Variants in NCKAP5 observed in about 807,000 individuals in gnomAD.
NCKAP5 encodes NCK associated protein 5, also known as nck-associated protein 5.
A neutral mutation model predicts 167.0 loss-of-function variants in NCKAP5; 92 were observed. The observed-to-expected ratio is 0.55, with a 90% CI of 0.47 to 0.66. NCKAP5 has a LOEUF of 0.66. NCKAP5 is among the 30% of genes least tolerant of loss of function. The pLI, the probability that NCKAP5 is intolerant of heterozygous loss-of-function variation, is 0.00. For synonymous variants in NCKAP5, 891 were observed against 877.4 expected, an observed-to-expected ratio of 1.02 and a Z score of -0.27; for missense variants, 2,378 against 2,315.0, an observed-to-expected ratio of 1.03 and a Z score of -0.56.
At chr2:133,479,409 G>A (rs1175231180) in intron 3 of NCKAP5, among the ~76,000 whole-genome samples, 1 of 152,178 alleles carries the variant, frequency 6.6e-6, no homozygotes, top group Non-Finnish European at 1.5e-5. Flanking sequence ...AAGTAGTGGA[G>A]CAATAATGTT....
At chr2:132,683,183 GAT>G (rs1473567774) in intron 19 of NCKAP5, among the ~76,000 whole-genome samples, 3 of 151,990 alleles carry the variant, frequency 2.0e-5, no homozygotes, top group Admixed American at 1.3e-4. Flanking sequence ...CGCACATAAA[GAT>G]AGTCTATAGA....
chr2:133,048,563 A>G (rs2079492204), intron 6 of NCKAP5, among the ~76,000 whole-genome samples: 1 of 152,214 alleles, frequency 6.6e-6, no homozygotes, highest in Non-Finnish European at 1.5e-5. Flanking sequence ...GATAATTTTT[A>G]GAATTAACAA....
intron 4 of NCKAP5, among the ~76,000 whole-genome samples, chr2:133,289,736 C>G (rs916220954): frequency 3.3e-5 from 5 of 150,742 alleles, no homozygotes; most frequent in African/African-American, 1.2e-4. Context: ...CAAAAAAAAA[C>G]AGCACAACTA....
rs572102250 is a variant in NCKAP5, at chr2:132,966,674, T to C, written c.430-2805A>G. On this transcript the variant is annotated intron_variant, in intron 7 of 19. Transcript: ENST00000409261. The stretch of plus-strand genomic sequence containing the variant: ...TAATCTTGTTTTATGTGTATTTCTA[T>C]TTAAAGACACCTTACATTTAACATA... Among the ~76,000 whole-genome samples the C allele has an allele frequency of 5.9e-5, 9 of 152,336 alleles. 1 individual carries two copies. In the South Asian group the frequency reaches 1.9e-3, roughly 32 times the overall value.
At chr2:133,423,697 G>C (rs1689621441) in intron 3 of NCKAP5, among the ~76,000 whole-genome samples, 1 of 152,126 alleles carries the variant, frequency 6.6e-6, no homozygotes, top group Non-Finnish European at 1.5e-5. Flanking sequence ...CCCACATGAA[G>C]TAAATTTTTC....
intron 3 of NCKAP5, chr2:133,390,962 T>A (rs1437151046): frequency 6.6e-6 from 1 of 152,230 alleles, no homozygotes; most frequent in Non-Finnish European, 1.5e-5. Context: ...TTTTATGTAT[T>A]AAGAATTTCG....
At chr2:133,455,360 T>C (rs965491010) in intron 3 of NCKAP5, among the ~76,000 whole-genome samples, 23 of 152,154 alleles carry the variant, frequency 1.5e-4, no homozygotes, top group Non-Finnish European at 2.9e-4. Context: ...TAGGCCTTAT[T>C]GTAGCCAAGT....
At chr2:133,641,025 C>T in the NCKAP5 span, among the ~76,000 whole-genome samples, 1 of 152,220 alleles carries the variant, frequency 6.6e-6, no homozygotes. Flanking sequence ...TATCCCCATT[C>T]AGCAAATATG....
chr2:132,878,850 C>T lies in NCKAP5; in HGVS notation c.646G>A (p.Glu216Lys). ...AGGAGCCTCTCCATCCCCCTTACCT[C>T]ATCAAGACATCGCTCATATTGTTCC... ...QREQYERCLDEVANQVVQALL... is the reference protein window; with the variant it reads ...QREQYERCLDKVANQVVQALL... Residue 216 changes from glutamate (E) to lysine (K), a missense_variant and splice_region_variant, in exon 9 of 20, where the codon GAG (glutamate) becomes AAG (lysine). By Grantham distance (56) the Glu-to-Lys change is moderately conservative. Transcript: ENST00000409261. 2 of 1,612,744 alleles carry T rather than the reference C, an allele frequency of 1.2e-6. No homozygotes were observed. Among genetic ancestry groups the T allele is most frequent in the Non-Finnish European group, 1.7e-6 (2 of 1,178,734 alleles).
intron 12 of NCKAP5, among the ~76,000 whole-genome samples, 165 bp from the exon 13 acceptor site, chr2:132,790,370 A>G (rs1157526732): frequency 6.6e-6 from 1 of 152,208 alleles, no homozygotes; most frequent in East Asian, 1.9e-4. Context: ...AAATGTACTC[A>G]GTACACCTAA....
intron 6 of NCKAP5, among the ~76,000 whole-genome samples, chr2:133,085,742 T>A (rs2080967427): frequency 6.6e-6 from 1 of 152,088 alleles, no homozygotes; most frequent in Admixed American, 6.6e-5. Context: ...ATAAACTGGC[T>A]CACCCTTGGA....
intron 8 of NCKAP5, among the ~76,000 whole-genome samples, chr2:132,933,018 G>A (rs1048161673): frequency 1.4e-5 from 2 of 147,620 alleles, no homozygotes; most frequent in Admixed American, 7.0e-5. Context: ...TCCGCCTCCC[G>A]GGTTCACGCC....
chr2:133,432,853 G>A lies in NCKAP5; in HGVS notation c.69+84605C>T, dbSNP rs201732318. Among the ~76,000 whole-genome samples the A allele has an allele frequency of 6.6e-5, 10 of 152,212 alleles. No homozygotes were observed. In the East Asian group the frequency reaches 1.7e-3, roughly 26 times the overall value. ...TATCCTATGAAATGGGGATATTATT[G>A]TTCTTTTATTTCTACATTTCTGGGG... On this transcript the variant is annotated intron_variant, in intron 3 of 19. Transcript: ENST00000409261.
In NCKAP5 at chr2:132,873,374, A is replaced by G. The variant is rs529454178; in HGVS notation, c.649-4400T>C. 1.1e-4 allele frequency among the ~76,000 whole-genome samples: 16 copies of G among 152,316 alleles called. No homozygotes were observed. In the South Asian group the frequency reaches 3.3e-3, roughly 32 times the overall value. On this transcript the variant is annotated intron_variant, in intron 9 of 19. Coordinates refer to ENST00000409261, the MANE Select transcript of NCKAP5 (RefSeq NM_207363.3). The stretch of plus-strand genomic sequence containing the variant: ...ATGATCCGCCCGCCTCGGCCTCCCA[A>G]AGAGCTGGGATTACAGGCGTGAGCC...
intron 5 of NCKAP5, among the ~76,000 whole-genome samples, chr2:133,145,347 G>C (rs1232231104): frequency 6.6e-6 from 1 of 151,976 alleles, no homozygotes; most frequent in Admixed American, 6.6e-5. Flanking sequence ...TCGGGAAGTA[G>C]GGGTTAAGAG....
intron 5 of NCKAP5, among the ~76,000 whole-genome samples, chr2:133,180,901 G>A (rs2084703407): frequency 6.6e-6 from 1 of 151,870 alleles, no homozygotes; most frequent in African/African-American, 2.4e-5. Context: ...CCTATGGACT[G>A]GGAGAAAATA....
At chr2:133,333,557 T>C (rs2150735221) in intron 3 of NCKAP5, among the ~76,000 whole-genome samples, 1 of 152,282 alleles carries the variant, frequency 6.6e-6, no homozygotes, top group Middle Eastern at 3.4e-3. Context: ...ACTATCCACA[T>C]TAGCCACACT....
intron 16 of NCKAP5, among the ~76,000 whole-genome samples, chr2:132,760,677 G>C (rs1262355286): frequency 6.6e-6 from 1 of 152,128 alleles, no homozygotes; most frequent in East Asian, 1.9e-4. Context: ...TGTAAGTAAA[G>C]TTTAGAGTGA....
At chr2:133,239,151 C>T (rs954711362) in intron 4 of NCKAP5, among the ~76,000 whole-genome samples, 2 of 152,154 alleles carry the variant, frequency 1.3e-5, no homozygotes, top group East Asian at 3.8e-4. Flanking sequence ...ACATTATGTG[C>T]TGGCATCTTC....
Sources: gnomAD v4.1 joint callset for allele counts (sites outside exome capture counted in the v4.1 genomes callset) on GRCh38, gnomAD v4.1.1 for gene constraint, MANE v1.5 for transcripts, NCBI Gene and HGNC (gene_info 2026-07-23, HGNC 2026-07-21) for gene names.